PDS5B: variants seen among roughly 807,000 people sequenced by gnomAD.
PDS5B encodes the protein PDS5 cohesin associated factor B, also known as sister chromatid cohesion protein PDS5 homolog B.
Under a neutral mutation model 184.1 loss-of-function variants are expected in PDS5B, and 51 were observed. The observed-to-expected ratio is 0.28, with a 90% CI of 0.22 to 0.35. The LOEUF (loss-of-function observed/expected upper bound fraction) is 0.35. PDS5B is among the 10% of genes least tolerant of loss of function. The pLI, the probability that PDS5B is intolerant of heterozygous loss-of-function variation, is 1.00. For missense variants in PDS5B, 1,180 were observed against 1,723.3 expected (o/e 0.68, Z 5.58); for synonymous variants, 566 against 569.2 (o/e 0.99, Z 0.08).
intron 15 of PDS5B, among the ~76,000 whole-genome samples, chr13:32,697,930 G>A (rs1951754689): frequency 1.3e-5 from 2 of 152,232 alleles, no homozygotes; most frequent in South Asian, 4.2e-4. Flanking sequence ...GCCCAGGCTA[G>A]TGCTGAACTG....
At chr13:32,649,810 CTT>C (rs1368400575) in intron 2 of PDS5B, 1 of 152,004 alleles carries the variant, frequency 6.6e-6, no homozygotes, top group Non-Finnish European at 1.5e-5. Context: ...GGAAAATCAT[CTT>C]TGAGCAGATT....
At chr13:32,760,237 G>A (rs1032276297) in intron 29 of PDS5B, among the ~76,000 whole-genome samples, 1 of 152,170 alleles carries the variant, frequency 6.6e-6, no homozygotes, top group African/African-American at 2.4e-5. Flanking sequence ...TTACAGGCGT[G>A]AGCCACTGCA....
At chr13:32,690,893 G>A (rs927058118) in intron 13 of PDS5B, 1 of 151,964 alleles carries the variant, frequency 6.6e-6, no homozygotes, top group Non-Finnish European at 1.5e-5. Flanking sequence ...TCATTTTTTA[G>A]ATGATTTTCA....
At chr13:32,665,617 AAATAAACATCTTTACAACCTC>A (rs1950771327) in intron 6 of PDS5B, among the ~76,000 whole-genome samples, 2 of 150,306 alleles carry the variant, frequency 1.3e-5, no homozygotes, top group South Asian at 2.1e-4. Context: ...AAAAAAAAGA[AAATAAACATCTTTACAACCTC>A]AAGATAGGAA....
chr13:32,745,936 A>G (rs1012966586), intron 23 of PDS5B, 41 bp from the exon 24 acceptor site: 3 of 1,508,636 alleles, frequency 2.0e-6, no homozygotes, highest in East Asian at 2.3e-5. Flanking sequence ...TTGTACAAAT[A>G]TTTTAAATGC....
At chr13:32,747,626 T>TC (rs1236413618) in intron 24 of PDS5B, among the ~76,000 whole-genome samples, 2 of 151,928 alleles carry the variant, frequency 1.3e-5, no homozygotes, top group Non-Finnish European at 2.9e-5. Context: ...GCCCATAACT[T>TC]CCTTGGTATA....
intron 1 of PDS5B, among the ~76,000 whole-genome samples, chr13:32,619,014 A>G (rs977914779): frequency 1.3e-5 from 2 of 151,706 alleles, no homozygotes; most frequent in African/African-American, 2.4e-5. Flanking sequence ...CTAATTGTCT[A>G]TCTTCACCGT....
chr13:32,687,542 G>A (rs114171612), intron 12 of PDS5B, among the ~76,000 whole-genome samples: 310 of 152,168 alleles, frequency 2.0e-3, no homozygotes, highest in African/African-American at 7.3e-3. Flanking sequence ...CTAAAAATAG[G>A]TATGTGTAAT....
chr13:32,661,049 C>G (rs577979829), intron 6 of PDS5B, among the ~76,000 whole-genome samples: 1 of 151,902 alleles, frequency 6.6e-6, no homozygotes, highest in South Asian at 2.1e-4. Context: ...AATGTAATAA[C>G]TAGACATATT....
At chr13:32,767,169 A>G (rs150286653) in intron 31 of PDS5B, among the ~76,000 whole-genome samples, 2 of 152,290 alleles carry the variant, frequency 1.3e-5, no homozygotes, top group African/African-American at 4.8e-5. Flanking sequence ...ATAATTTCAG[A>G]TCATGCCAAG....
chr13:32,730,790 T>C (rs1358013945), intron 19 of PDS5B, among the ~76,000 whole-genome samples: 1 of 152,250 alleles, frequency 6.6e-6, no homozygotes, highest in Non-Finnish European at 1.5e-5. Context: ...TTTTGCACAT[T>C]GATTTTGTAT....
At chr13:32,677,253 A>T (rs886087632) in intron 9 of PDS5B, among the ~76,000 whole-genome samples, 1 of 152,012 alleles carries the variant, frequency 6.6e-6, no homozygotes, top group Non-Finnish European at 1.5e-5. Context: ...AAAGAATATC[A>T]GTTTAAATTA....
At chr13:32,661,695 A>G (rs1950652846) in intron 6 of PDS5B, among the ~76,000 whole-genome samples, 2 of 152,268 alleles carry the variant, frequency 1.3e-5, no homozygotes. Flanking sequence ...AGTAAAAAAA[A>G]AATAAAAAGA....
intron 8 of PDS5B, among the ~76,000 whole-genome samples, chr13:32,674,535 T>C (rs533322848): frequency 9.9e-5 from 15 of 152,040 alleles, no homozygotes; most frequent in South Asian, 2.1e-4. Flanking sequence ...AGTAAAAATA[T>C]TGAGTAAATG....
At chr13:32,770,834 A>C (rs552361197) in intron 33 of PDS5B, 73 bp downstream of exon 33, 5 of 1,071,460 alleles carry the variant, frequency 4.7e-6, no homozygotes, top group Non-Finnish European at 5.6e-6. Flanking sequence ...GTAAACATAC[A>C]TATTGCTGTA....
At chr13:32,625,838 C>CT (rs67536326) in intron 1 of PDS5B, among the ~76,000 whole-genome samples, 2,679 of 131,348 alleles carry the variant, frequency 0.02, 72 homozygotes, top group Admixed American at 0.052. Context: ...GACCAGTATT[C>CT]TTTTTTTTTT....
chr13:32,701,427 C>G lies in PDS5B; in HGVS notation c.1845C>G (p.Thr615=). 6.4e-7 allele frequency: 1 copy of G among 1,562,774 alleles called. No homozygotes were observed. Among genetic ancestry groups the G allele is most frequent in the Non-Finnish European group, 8.8e-7 (1 of 1,136,740 alleles). The change falls in exon 17 of 35, where the codon ACC becomes ACG. Residue 615 remains threonine, a synonymous_variant. Transcript: ENST00000315596. ...GGATAGCACCTGTGCACATAGATAC[C>G]GAATCTATCAGGTATTTGTATATAA... ...LERIAPVHID[T]ESISALIKQV...
chr13:32,639,880 T>C (rs1454770619), intron 1 of PDS5B, among the ~76,000 whole-genome samples: 1 of 152,240 alleles, frequency 6.6e-6, no homozygotes, highest in African/African-American at 2.4e-5. Flanking sequence ...AGTAGTGGTT[T>C]GATTTGATTT....
At chr13:32,762,013 ACGG>A (rs1954421909) in intron 30 of PDS5B, among the ~76,000 whole-genome samples, 1 of 152,144 alleles carries the variant, frequency 6.6e-6, no homozygotes, top group East Asian at 1.9e-4. Context: ...CTGATGTGAG[ACGG>A]TATCTCGTTG....
Sources: allele counts gnomAD v4.1 joint callset (sites outside exome capture counted in the v4.1 genomes callset), GRCh38; gene constraint gnomAD v4.1.1; transcripts MANE v1.5; gene names NCBI Gene and HGNC (gene_info 2026-07-23, HGNC 2026-07-21).